CAMK2B: variants seen among roughly 807,000 people sequenced by gnomAD.
CAMK2B encodes the protein calcium/calmodulin-dependent protein kinase type II subunit beta.
In CAMK2B, 27 loss-of-function variants were observed where a neutral mutation model predicts 93.7. That is an observed-to-expected ratio of 0.29 (90% confidence interval 0.21 to 0.40). The LOEUF (loss-of-function observed/expected upper bound fraction) is 0.40, where lower values mean the gene tolerates loss of function less well. Ranked by LOEUF, CAMK2B falls within the 10% of genes least tolerant of loss-of-function variation. CAMK2B has a pLI of 1.00. For synonymous variants in CAMK2B, 374 were observed against 358.8 expected, an observed-to-expected ratio of 1.04 and a Z score of -0.48; for missense variants, 568 against 895.8, an observed-to-expected ratio of 0.63 and a Z score of 4.67.
chr7:44,322,662 C>T (rs1038523204), intron 1 of CAMK2B, among the ~76,000 whole-genome samples: 3 of 152,250 alleles, frequency 2.0e-5, no homozygotes, highest in Non-Finnish European at 4.4e-5. Context: ...GCACACACTC[C>T]CTATAGAGCT....
chr7:44,222,797 C>T (rs533508474), intron 20 of CAMK2B, among the ~76,000 whole-genome samples: 4 of 151,380 alleles, frequency 2.6e-5, no homozygotes, highest in Admixed American at 2.6e-4. Flanking sequence ...ATCTCTCTCG[C>T]CAGACCTCTG....
chr7:44,292,300 T>A (rs925073897), intron 1 of CAMK2B, among the ~76,000 whole-genome samples: 1 of 152,226 alleles, frequency 6.6e-6, no homozygotes, highest in African/African-American at 2.4e-5. Context: ...GACCTCATCC[T>A]AACTTGACTA....
intron 3 of CAMK2B, 37 bp from the exon 4 acceptor site, chr7:44,258,963 G>A: frequency 1.3e-6 from 2 of 1,586,378 alleles, no homozygotes; most frequent in East Asian, 2.2e-5. Flanking sequence ...GCTGGCAATA[G>A]CCCAGGACAC....
chr7:44,220,503 G>T, intron 22 of CAMK2B, 113 bp downstream of exon 22: 1 of 999,272 alleles, frequency 1.0e-6, no homozygotes, highest in Non-Finnish European at 1.5e-6. Context: ...GCCAACCCTG[G>T]GCACAGAGGG....
intron 3 of CAMK2B, among the ~76,000 whole-genome samples, chr7:44,260,566 T>C (rs2096871596): frequency 6.6e-6 from 1 of 152,178 alleles, no homozygotes; most frequent in African/African-American, 2.4e-5. Flanking sequence ...TGCCCCTCTA[T>C]GAAATAGGAT....
intron 1 of CAMK2B, among the ~76,000 whole-genome samples, chr7:44,300,300 T>G (rs1348910744): frequency 6.6e-6 from 1 of 152,034 alleles, no homozygotes; most frequent in Non-Finnish European, 1.5e-5. Context: ...CCTCCTAAGG[T>G]GCTGGAATTA....
intron 1 of CAMK2B, among the ~76,000 whole-genome samples, chr7:44,317,459 T>A (rs1250641458): frequency 1.3e-5 from 2 of 152,188 alleles, no homozygotes; most frequent in Non-Finnish European, 2.9e-5. Context: ...AATGATTTTT[T>A]AATTTTTGTA....
intron 2 of CAMK2B, among the ~76,000 whole-genome samples, chr7:44,269,615 C>T (rs1263695252): frequency 2.0e-5 from 3 of 151,922 alleles, no homozygotes; most frequent in East Asian, 3.9e-4. Flanking sequence ...GGGTGGGCAC[C>T]GGGCCCCCCG....
chr7:44,309,411 G>A (rs1338551228), intron 1 of CAMK2B, among the ~76,000 whole-genome samples: 1 of 152,202 alleles, frequency 6.6e-6, no homozygotes, highest in African/African-American at 2.4e-5. Flanking sequence ...AGGAGCAGGA[G>A]GGCTGGGCTG....
intron 1 of CAMK2B, among the ~76,000 whole-genome samples, chr7:44,300,346 G>A (rs1034316767): frequency 2.0e-5 from 3 of 152,048 alleles, no homozygotes; most frequent in Non-Finnish European, 4.4e-5. Flanking sequence ...ATATATAGTA[G>A]AGACACGGTG....
In CAMK2B at chr7:44,232,818, G is replaced by C; in HGVS notation, c.1176+4C>G. 6.2e-7 allele frequency: 1 copy of C among 1,613,880 alleles called. No homozygotes were observed. The highest frequency in any genetic ancestry group is 1.1e-5 in the South Asian group (1 of 91,078). On this transcript the variant is annotated splice_donor_region_variant and intron_variant, in intron 16 of 23. Transcript: ENST00000395749. ...AAAGCGGGAGGAGGAAAGTGGGGCA[G>C]TACCTTAATCCCGTCCACTGGGTTA...
chr7:44,229,277 G>C (rs1437333039), intron 18 of CAMK2B, 111 bp downstream of exon 18: 12 of 712,258 alleles, frequency 1.7e-5, no homozygotes, highest in Admixed American at 3.1e-5. Flanking sequence ...GGGGTGATGA[G>C]GCTGGAGCCA....
rs759794779 is a variant in CAMK2B, at chr7:44,226,586, G to A, written c.1527C>T (p.Ala509=). ...GGGGCCCCACTGGCGAGGGGCCCTC[G>A]GCTTCTGGGGTCCCTGAGCCCCTCC... ...SVRRGSGTPE[A]EGPSPVGPPP... Residue 509 remains alanine (A), a synonymous_variant, in exon 20 of 24, where the codon GCC becomes GCT. Coordinates refer to ENST00000395749, the MANE Select transcript of CAMK2B (RefSeq NM_001220.5). The A allele has an allele frequency of 2.8e-5, 42 of 1,501,498 alleles. No homozygotes were observed. The highest frequency in any genetic ancestry group is 2.7e-4 in the East Asian group (10 of 37,456). The allele number at this position is 1,501,498 out of a possible 1,614,324, so 93.0% of individuals were successfully genotyped here. A position where few individuals can be genotyped will look rare whatever the true frequency, so the allele number is the denominator to read the frequency against.
chr7:44,253,402 G>C (rs1413499021), intron 5 of CAMK2B, among the ~76,000 whole-genome samples: 1 of 151,934 alleles, frequency 6.6e-6, no homozygotes, highest in Non-Finnish European at 1.5e-5. Flanking sequence ...TAGTAGAGAC[G>C]GGGTTTCTCC....
At chr7:44,220,945 T>TC (rs2096395127) in intron 20 of CAMK2B, 44 bp from the exon 21 acceptor site, 7 of 1,519,624 alleles carry the variant, frequency 4.6e-6, no homozygotes, top group African/African-American at 1.4e-5. Flanking sequence ...GCTGGCCCAT[T>TC]CCCCCCGGAC....
Position 44,243,914 on chromosome 7 carries a change from G to A in CAMK2B, c.415-387C>T, listed in dbSNP as rs539263768. Among the ~76,000 whole-genome samples the A allele has an allele frequency of 2.0e-5, 3 of 152,334 alleles. No homozygotes were observed. The East Asian group carries it at 5.8e-4, about 29-fold the overall frequency. ...ACAGCCCTGGGGCAGACTGTGCAGT[G>A]GCTGGGGGCTCCCATGGCCCTCGGA... On this transcript the variant is annotated intron_variant, in intron 6 of 23. Coordinates refer to ENST00000395749, the MANE Select transcript of CAMK2B (RefSeq NM_001220.5).
In CAMK2B at chr7:44,232,810, G is replaced by C; in HGVS notation, c.1176+12C>G. The C allele has an allele frequency of 6.2e-7, 1 of 1,613,692 alleles. No homozygotes were observed. Among genetic ancestry groups the C allele is most frequent in the South Asian group, 1.1e-5 (1 of 91,080 alleles). On this transcript the variant is annotated intron_variant, in intron 16 of 23. Transcript: ENST00000395749. ...GCCTGGGGAAAGCGGGAGGAGGAAA[G>C]TGGGGCAGTACCTTAATCCCGTCCA...
At chr7:44,265,806 G>A (rs2096916974) in intron 2 of CAMK2B, among the ~76,000 whole-genome samples, 1 of 152,166 alleles carries the variant, frequency 6.6e-6, no homozygotes, top group Non-Finnish European at 1.5e-5. Flanking sequence ...TCCTCTTTCT[G>A]TAACACCCAC....
chr7:44,276,426 A>G (rs73691450), intron 2 of CAMK2B, among the ~76,000 whole-genome samples: 1 of 151,672 alleles, frequency 6.6e-6, no homozygotes, highest in African/African-American at 2.4e-5. Context: ...CGGAGGCAGC[A>G]CCCCCCCGCC....
Sources: gnomAD v4.1 joint callset for allele counts (sites outside exome capture counted in the v4.1 genomes callset) on GRCh38, gnomAD v4.1.1 for gene constraint, MANE v1.5 for transcripts, NCBI Gene and HGNC (gene_info 2026-07-23, HGNC 2026-07-21) for gene names.